Variants in UTS2 observed in about 807,000 individuals in gnomAD.
UTS2 encodes urotensin 2.
Under a neutral mutation model 12.6 loss-of-function variants are expected in UTS2, and 10 were observed. That is an observed-to-expected ratio of 0.80 (90% CI 0.49 to 1.35). The LOEUF is 1.35. Ranked by LOEUF, UTS2 falls within the 40% of genes most tolerant of loss-of-function variation. UTS2 has a pLI of 0.00. For missense variants in UTS2, 142 were observed against 143.2 expected (o/e 0.99, Z 0.04); for synonymous variants, 52 against 50.0 (o/e 1.04, Z -0.17).
At chr1:7,872,916 G>A in the UTS2 span, among the ~76,000 whole-genome samples, 1 of 152,120 alleles carries the variant, frequency 6.6e-6, no homozygotes, top group Non-Finnish European at 1.5e-5. Flanking sequence ...AGCTTCAAAG[G>A]ACAGGCCGAC....
the UTS2 span, among the ~76,000 whole-genome samples, chr1:7,860,353 T>A: frequency 1.3e-5 from 2 of 151,984 alleles, no homozygotes; most frequent in Non-Finnish European, 2.9e-5. Flanking sequence ...GCCAAGGCCC[T>A]GGGGTGGGAC....
chr1:7,856,927 G>C (rs1263317842), upstream of UTS2, among the ~76,000 whole-genome samples: 2 of 152,088 alleles, frequency 1.3e-5, no homozygotes, highest in African/African-American at 4.8e-5. Flanking sequence ...CGGGAGTAGT[G>C]GTGGGCGCCT....
intron 3 of UTS2, 30 bp from the exon 4 acceptor site, chr1:7,847,912 A>AAC (rs2097409509): frequency 2.1e-6 from 3 of 1,419,628 alleles, no homozygotes; most frequent in Non-Finnish European, 2.9e-6. Flanking sequence ...CAACAACAAC[A>AAC]AAAAAAAACA....
the UTS2 span, among the ~76,000 whole-genome samples, chr1:7,866,802 GGCTGACCAT>G: frequency 6.6e-6 from 1 of 152,092 alleles, no homozygotes; most frequent in African/African-American, 2.4e-5. This position sits in a 1 kb window ranked among gnomAD's most constrained non-coding sequence, Gnocchi z 4.5. Context: ...TCATCCCCAG[GGCTGACCAT>G]GGTACCGGGC....
the UTS2 span, among the ~76,000 whole-genome samples, chr1:7,904,328 T>A: frequency 6.7e-5 from 10 of 148,210 alleles, no homozygotes; most frequent in East Asian, 4.0e-4. Context: ...AAAAAAATAA[T>A]AAGCTGGGCA....
the UTS2 span, among the ~76,000 whole-genome samples, chr1:7,904,238 GA>G: frequency 6.6e-6 from 1 of 151,866 alleles, no homozygotes; most frequent in East Asian, 1.9e-4. Flanking sequence ...GCCCAAGGCG[GA>G]AGGATAGCTT....
the UTS2 span, among the ~76,000 whole-genome samples, chr1:7,862,764 G>A: frequency 8.5e-5 from 13 of 152,234 alleles, no homozygotes; most frequent in East Asian, 1.7e-3. Flanking sequence ...GTCCACCCCC[G>A]TGACCCAAAC....
chr1:7,912,944 G>T, the UTS2 span, among the ~76,000 whole-genome samples: 1 of 149,614 alleles, frequency 6.7e-6, no homozygotes. Flanking sequence ...CATTCCCCTG[G>T]TTCCCCACTT....
chr1:7,901,606 A>ATGTGTGTGTGTG, the UTS2 span, among the ~76,000 whole-genome samples: 26 of 126,782 alleles, frequency 2.1e-4, no homozygotes, highest in African/African-American at 7.0e-4. Flanking sequence ...ATATTCATCT[A>ATGTGTGTGTGTG]TGTGTGTGTG....
chr1:7,892,469 GTTTT>G, the UTS2 span, among the ~76,000 whole-genome samples: 4,186 of 77,548 alleles, frequency 0.054, 205 homozygotes, highest in East Asian at 0.41. Flanking sequence ...CCTCATGCAT[GTTTT>G]TTTTTTTTTT....
upstream of UTS2, chr1:7,853,432 T>G (rs1380836164): frequency 1.9e-6 from 3 of 1,613,196 alleles, no homozygotes; most frequent in Admixed American, 5.0e-5. Flanking sequence ...TGGTTTCCAT[T>G]TTTTAATCTT....
At chr1:7,851,274 C>T (rs917476006) in intron 1 of UTS2, among the ~76,000 whole-genome samples, 9 of 152,130 alleles carry the variant, frequency 5.9e-5, no homozygotes, top group African/African-American at 2.2e-4. Flanking sequence ...CTGCTGCCTA[C>T]TGCCTTTTTG....
At chr1:7,901,606 A>ATGTG in the UTS2 span, among the ~76,000 whole-genome samples, 7,900 of 126,662 alleles carry the variant, frequency 0.062, 700 homozygotes, top group African/African-American at 0.21. Flanking sequence ...ATATTCATCT[A>ATGTG]TGTGTGTGTG....
chr1:7,884,925 T>C, the UTS2 span, among the ~76,000 whole-genome samples: 2 of 147,496 alleles, frequency 1.4e-5, no homozygotes, highest in Admixed American at 1.3e-4. Context: ...CATTCATCCA[T>C]CCACTCACCT....
chr1:7,892,469 G>GTTTTTTTTTTT, the UTS2 span, among the ~76,000 whole-genome samples: 2 of 77,752 alleles, frequency 2.6e-5, no homozygotes, highest in Non-Finnish European at 4.6e-5. Context: ...CCTCATGCAT[G>GTTTTTTTTTTT]TTTTTTTTTT....
chr1:7,895,536 G>A, the UTS2 span, among the ~76,000 whole-genome samples: 2 of 152,092 alleles, frequency 1.3e-5, no homozygotes, highest in African/African-American at 2.4e-5. Flanking sequence ...TCAGTAAAAG[G>A]AAGATGAGGA....
the UTS2 span, among the ~76,000 whole-genome samples, chr1:7,905,307 G>A: frequency 0.48 from 73,190 of 151,348 alleles, 20,087 homozygotes; most frequent in East Asian, 0.7. Context: ...CACCACGCCC[G>A]TCTAATTTTG....
chr1:7,879,783 A>C, the UTS2 span, among the ~76,000 whole-genome samples: 5 of 152,180 alleles, frequency 3.3e-5, no homozygotes, highest in East Asian at 9.6e-4. Flanking sequence ...AATGAAAATG[A>C]AAACAGAATA....
chr1:7,888,447 C>A, the UTS2 span, among the ~76,000 whole-genome samples: 1 of 152,134 alleles, frequency 6.6e-6, no homozygotes, highest in East Asian at 1.9e-4. Flanking sequence ...GAGTCACTGC[C>A]AACGCTCATT....
Sources: allele counts gnomAD v4.1 joint callset (sites outside exome capture counted in the v4.1 genomes callset), GRCh38; gene constraint gnomAD v4.1.1; non-coding constraint Gnocchi (gnomAD v3.1); transcripts MANE v1.5; gene names NCBI Gene and HGNC (gene_info 2026-07-23, HGNC 2026-07-21).